KIAA1549L: variants seen among roughly 807,000 people sequenced by gnomAD.
KIAA1549L encodes the protein KIAA1549 like.
In KIAA1549L, 88 loss-of-function variants were observed where a neutral mutation model predicts 160.7. That is an observed-to-expected ratio of 0.55 (90% CI 0.46 to 0.65). The LOEUF is 0.65. Ranked by LOEUF, KIAA1549L falls within the 30% of genes least tolerant of loss-of-function variation. The pLI is 0.00. For synonymous variants in KIAA1549L, 950 were observed against 976.7 expected, an observed-to-expected ratio of 0.97 and a Z score of 0.51; for missense variants, 2,258 against 2,437.5, an observed-to-expected ratio of 0.93 and a Z score of 1.55.
At chr11:33,457,816 C>T (rs1352401004) in intron 1 of KIAA1549L, among the ~76,000 whole-genome samples, 2 of 152,128 alleles carry the variant, frequency 1.3e-5, no homozygotes, top group Non-Finnish European at 2.9e-5. Flanking sequence ...CATCCTTAGA[C>T]CTTGACAATA....
At chr11:33,516,996 G>A (rs1036605115) in intron 1 of KIAA1549L, among the ~76,000 whole-genome samples, 7 of 152,186 alleles carry the variant, frequency 4.6e-5, no homozygotes, top group Admixed American at 4.6e-4. Flanking sequence ...TATTGAGTGA[G>A]GTCGCATCTT....
intron 17 of KIAA1549L, among the ~76,000 whole-genome samples, chr11:33,651,091 G>A (rs918310063): frequency 5.3e-5 from 8 of 152,144 alleles, no homozygotes; most frequent in Admixed American, 2.6e-4. Context: ...AATGTACCTC[G>A]CTTCTTTGAA....
chr11:33,403,659 G>A (rs1590222001), intron 1 of KIAA1549L: 2 of 152,200 alleles, frequency 1.3e-5, no homozygotes, highest in South Asian at 4.2e-4. Flanking sequence ...TAAAAAGGGT[G>A]AGGAAATAAT....
Position 33,543,350 on chromosome 11 carries a change from A to G in KIAA1549L, c.1787A>G (p.Asn596Ser), listed in dbSNP as rs1854102064. ...GAGGTTTTGAGTCTTCACACTGTAA[A>G]TGGATTTGTCTCTGATTTCAGCACC... ...RKEVLSLHTVNGFVSDFSTGS... is the reference protein window; with the variant it reads ...RKEVLSLHTVSGFVSDFSTGS... Residue 596 changes from asparagine to serine, a missense_variant, in exon 2 of 21, where the codon AAT becomes AGT. Asn to Ser is a conservative substitution (Grantham distance 46). Coordinates refer to ENST00000658780, the MANE Select transcript of KIAA1549L (RefSeq NM_012194.3). The G allele has an allele frequency of 6.2e-7, 1 of 1,613,898 alleles. No homozygotes were observed. Among genetic ancestry groups the G allele is most frequent in the Non-Finnish European group, 8.5e-7 (1 of 1,179,898 alleles).
At position 33,559,841 on chromosome 11, in the gene KIAA1549L, C is replaced by G; in HGVS notation, c.3948C>G (p.Ser1316Arg). 6.2e-7 allele frequency: 1 copy of G among 1,614,018 alleles called. No homozygotes were observed. The highest frequency in any genetic ancestry group is 8.5e-7 in the Non-Finnish European group (1 of 1,179,862). ...TCCTCAACGGCACCGTCGCCAGCAG[C>G]CTCCTCAGCCAGCTCTCGGCTGAGC... is the stretch of plus-strand genomic sequence containing the variant. ...STFLNGTVAS[S>R]LLSQLSAELV... The change falls in exon 7 of 21, where the codon AGC becomes AGG. Residue 1316 changes from serine to arginine, a missense_variant. By Grantham distance (110) the Ser-to-Arg change is moderately radical. This residue lies in a region of KIAA1549L where 1,359 missense variants were observed against 1,546.6 expected (regional missense o/e 0.88). Coordinates refer to ENST00000658780, the MANE Select transcript of KIAA1549L (RefSeq NM_012194.3).
At chr11:33,520,586 C>T (rs1433390651) in intron 1 of KIAA1549L, among the ~76,000 whole-genome samples, 3 of 151,870 alleles carry the variant, frequency 2.0e-5, no homozygotes, top group Non-Finnish European at 2.9e-5. Context: ...CACATGCTGT[C>T]ATTATTGTTT....
rs935514461 is a variant in KIAA1549L, at chr11:33,491,323, C to T, written c.239-50479C>T. Among the ~76,000 whole-genome samples, 12 of 152,256 alleles carry T rather than the reference C, an allele frequency of 7.9e-5. No homozygotes were observed. The East Asian group carries it at 1.7e-3, about 22-fold the overall frequency. ...GCTTTCAATCCCCTTGGGTACTACACGGTTCACATGGCACTACAGTATGAT... is the reference window on the plus strand; with the variant it reads ...GCTTTCAATCCCCTTGGGTACTACATGGTTCACATGGCACTACAGTATGAT... On this transcript the variant is annotated intron_variant, in intron 1 of 20. Transcript: ENST00000658780.
At chr11:33,500,742 A>G (rs1852927808) in intron 1 of KIAA1549L, among the ~76,000 whole-genome samples, 1 of 152,238 alleles carries the variant, frequency 6.6e-6, no homozygotes, top group Non-Finnish European at 1.5e-5. Flanking sequence ...TACATATTGT[A>G]TACAGGTATC....
chr11:33,413,762 A>T (rs903897359), intron 1 of KIAA1549L, among the ~76,000 whole-genome samples: 5 of 152,184 alleles, frequency 3.3e-5, no homozygotes, highest in Non-Finnish European at 7.4e-5. Context: ...TGAAAATCTT[A>T]ACATGTTAAG....
chr11:33,624,543 T>C (rs1851043648), intron 16 of KIAA1549L, among the ~76,000 whole-genome samples: 1 of 152,106 alleles, frequency 6.6e-6, no homozygotes, highest in Non-Finnish European at 1.5e-5. Flanking sequence ...TTAATGTATG[T>C]AAATTCAGTA....
chr11:33,643,211 G>T (rs578241844), intron 16 of KIAA1549L, among the ~76,000 whole-genome samples: 1 of 152,038 alleles, frequency 6.6e-6, no homozygotes, highest in Non-Finnish European at 1.5e-5. Flanking sequence ...GGCAGTGGGA[G>T]CCTGGAGAAA....
chr11:33,641,348 A>G (rs1174804454), intron 16 of KIAA1549L, among the ~76,000 whole-genome samples: 2 of 152,164 alleles, frequency 1.3e-5, no homozygotes, highest in Non-Finnish European at 2.9e-5. Flanking sequence ...GACAGATAAC[A>G]GCAACAATAA....
chr11:33,619,053 G>T (rs139492209), intron 16 of KIAA1549L, among the ~76,000 whole-genome samples: 6 of 152,166 alleles, frequency 3.9e-5, no homozygotes, highest in African/African-American at 1.4e-4. Flanking sequence ...AGCTGGATTT[G>T]TTCCTGATTT....
rs1188182572 is a variant in KIAA1549L at position 33,670,054 on chromosome 11, C to T, written c.*1900C>T. ...GCGAGATTTTATTGACAGGTTAACA[C>T]AATGCCTACGTCTATCCACATAGGC... On this transcript the variant is annotated 3_prime_UTR_variant, in exon 21 of 21. Transcript: ENST00000658780. 2 of 152,198 alleles carry T rather than the reference C, an allele frequency of 1.3e-5. No homozygotes were observed. Among genetic ancestry groups the T allele is most frequent in the African/African-American group, 4.8e-5 (2 of 41,442 alleles). The allele number at this position is 152,198 out of a possible 1,614,324, so 9.4% of individuals were successfully genotyped here.
At chr11:33,552,278 G>T in intron 6 of KIAA1549L, 37 bp downstream of exon 6, 1 of 1,579,006 alleles carries the variant, frequency 6.3e-7, no homozygotes, top group South Asian at 1.2e-5. Context: ...GTAGTTGACA[G>T]ACAACCACAA....
chr11:33,492,895 G>A (rs1038052734), intron 1 of KIAA1549L, among the ~76,000 whole-genome samples: 6 of 152,004 alleles, frequency 3.9e-5, no homozygotes, highest in African/African-American at 9.7e-5. Flanking sequence ...ATTAGTATTC[G>A]CAGTACTAAT....
intron 1 of KIAA1549L, among the ~76,000 whole-genome samples, chr11:33,493,592 G>A (rs1478306919): frequency 6.6e-6 from 1 of 152,250 alleles, no homozygotes; most frequent in Non-Finnish European, 1.5e-5. Flanking sequence ...GGGAGAAAAG[G>A]ACGTGCATTT....
At chr11:33,426,255 G>C (rs956303515) in intron 1 of KIAA1549L, among the ~76,000 whole-genome samples, 1 of 152,266 alleles carries the variant, frequency 6.6e-6, no homozygotes, top group South Asian at 2.1e-4. Context: ...TCTCTGCTTT[G>C]GTAATTTTCT....
chr11:33,472,430 T>G (rs1311759140), intron 1 of KIAA1549L, among the ~76,000 whole-genome samples: 2 of 152,060 alleles, frequency 1.3e-5, no homozygotes, highest in Non-Finnish European at 2.9e-5. Flanking sequence ...CCTCTTCCTT[T>G]TAAGGACACT....
Sources: gnomAD v4.1 joint callset for allele counts (sites outside exome capture counted in the v4.1 genomes callset) on GRCh38, gnomAD v4.1.1 for gene constraint, gnomAD v4.1.1 regional missense constraint, MANE v1.5 for transcripts, NCBI Gene and HGNC (gene_info 2026-07-23, HGNC 2026-07-21) for gene names.